Variants in ANKRD26 observed in about 807,000 individuals in gnomAD.
The protein encoded by ANKRD26 is ankyrin repeat domain 26.
A neutral mutation model predicts 208.7 loss-of-function variants in ANKRD26; 141 were observed. The observed-to-expected ratio is 0.68, with a 90% CI of 0.59 to 0.78. The LOEUF (loss-of-function observed/expected upper bound fraction) is 0.78, where lower values mean the gene tolerates loss of function less well. Ranked by LOEUF, ANKRD26 falls within the 30% of genes least tolerant of loss-of-function variation. The pLI is 0.00. For missense variants in ANKRD26, 1,889 were observed against 1,938.7 expected, an observed-to-expected ratio of 0.97 and a Z score of 0.48; for synonymous variants, 636 against 660.4, an observed-to-expected ratio of 0.96 and a Z score of 0.57.
rs1230763022 is a variant in ANKRD26, at chr10:27,100,279, G to T, written c.48C>A (p.Phe16Leu). Residue 16 changes from phenylalanine to leucine, a missense_variant, in exon 1 of 34, where the codon TTC (phenylalanine) becomes TTA (leucine). Transcript: ENST00000376087. ...CCGCGCTGCTCCTCTGCCGCCGCGC[G>T]AAGGAGCCCAAGGGCGACTCGCCCT... ...SKKGESPLGSFARRQRSSAGG... is the reference protein window; with the variant it reads ...SKKGESPLGSLARRQRSSAGG... 2 of 1,610,088 alleles carry T rather than the reference G, an allele frequency of 1.2e-6. No homozygotes were observed. Among genetic ancestry groups the T allele is most frequent in the Non-Finnish European group, 1.7e-6 (2 of 1,179,258 alleles).
chr10:27,043,700 GATTT>G (rs754105836), intron 19 of ANKRD26, 133 bp from the exon 20 acceptor site: 4 of 876,646 alleles, frequency 4.6e-6, no homozygotes, highest in East Asian at 2.7e-5. Context: ...TTGTTAAAAG[GATTT>G]ATTTATCAAC....
chr10:27,030,521 G>T, intron 25 of ANKRD26: 1 of 985,416 alleles, frequency 1.0e-6, no homozygotes, highest in Non-Finnish European at 1.2e-6. Context: ...TTAAGGCTAA[G>T]GTTATGTCGT....
the ANKRD26 span, among the ~76,000 whole-genome samples, chr10:26,964,301 G>C: frequency 6.6e-6 from 1 of 152,234 alleles, no homozygotes; most frequent in African/African-American, 2.4e-5. Context: ...TAGCTGATCA[G>C]AGAACCACTC....
At chr10:27,098,164 C>G (rs2056528165) in intron 1 of ANKRD26, among the ~76,000 whole-genome samples, 1 of 151,594 alleles carries the variant, frequency 6.6e-6, no homozygotes, top group South Asian at 2.1e-4. Flanking sequence ...GTGGCAAGAA[C>G]AAAGATCTGC....
Position 27,100,348 on chromosome 10 carries a change from G to T in ANKRD26, c.-22C>A. ...TCATGGCCCAGGCGACCGGGCTTCA[G>T]AGACACCTCATGTCTCTCTCGGCTC... On this transcript the variant is annotated 5_prime_UTR_variant, in exon 1 of 34. In the 5' UTR this introduces an upstream ATG that the reference lacks. Transcript: ENST00000376087. 1 of 1,604,492 alleles carries T rather than the reference G, an allele frequency of 6.2e-7. No homozygotes were observed. The highest frequency in any genetic ancestry group is 8.5e-7 in the Non-Finnish European group (1 of 1,179,768).
chr10:27,079,654 G>A (rs2055830788), intron 6 of ANKRD26, among the ~76,000 whole-genome samples: 1 of 152,136 alleles, frequency 6.6e-6, no homozygotes, highest in Non-Finnish European at 1.5e-5. Context: ...AGGAGTTCGA[G>A]ATCAGCCTGG....
chr10:27,024,824 T>C (rs2053606874), intron 27 of ANKRD26, among the ~76,000 whole-genome samples: 1 of 152,194 alleles, frequency 6.6e-6, no homozygotes. Context: ...AAATTCCTTT[T>C]TAAAAAGTTA....
At chr10:27,082,746 C>G (rs986091633) in intron 6 of ANKRD26, 57 bp downstream of exon 6, 9 of 1,531,412 alleles carry the variant, frequency 5.9e-6, no homozygotes, top group Non-Finnish European at 7.9e-6. Flanking sequence ...GGGCACTCAA[C>G]AGTTTCTTTT....
chr10:26,967,330 C>A, the ANKRD26 span, among the ~76,000 whole-genome samples: 1 of 152,188 alleles, frequency 6.6e-6, no homozygotes, highest in African/African-American at 2.4e-5. Context: ...CATTTAAGGT[C>A]ATTTAATTTT....
intron 9 of ANKRD26, among the ~76,000 whole-genome samples, chr10:27,069,515 C>T (rs865915014): frequency 5.6e-4 from 85 of 152,048 alleles, no homozygotes; most frequent in African/African-American, 2.0e-3. Flanking sequence ...CACTGTGTTG[C>T]CCAGGCTGGT....
At chr10:27,056,621 T>C (rs2054849026) in intron 15 of ANKRD26, among the ~76,000 whole-genome samples, 1 of 151,736 alleles carries the variant, frequency 6.6e-6, no homozygotes, top group Non-Finnish European at 1.5e-5. Context: ...CTACTAAAAA[T>C]ACAAAATTAG....
chr10:26,983,080 C>T (rs1483467578), intron 3 of ANKRD26, among the ~76,000 whole-genome samples: 1 of 152,170 alleles, frequency 6.6e-6, no homozygotes, highest in African/African-American at 2.4e-5. Context: ...ATATCTAACG[C>T]CATACAATTT....
intron 5 of ANKRD26, among the ~76,000 whole-genome samples, chr10:26,978,335 AGTGCCAGCTAC>A (rs1269741108): frequency 3.9e-5 from 6 of 152,100 alleles, no homozygotes; most frequent in Non-Finnish European, 7.4e-5. Flanking sequence ...ACGTGCCTGT[AGTGCCAGCTAC>A]TGGGGAGGCT....
chr10:27,070,770 A>G (rs1476007642), intron 9 of ANKRD26, among the ~76,000 whole-genome samples: 3 of 150,658 alleles, frequency 2.0e-5, no homozygotes, highest in Admixed American at 1.3e-4. Context: ...GGTTCAAGCA[A>G]TTCTCTTGAC....
At chr10:27,060,255 A>T in intron 15 of ANKRD26, 90 bp downstream of exon 15, 2 of 1,248,146 alleles carry the variant, frequency 1.6e-6, no homozygotes, top group South Asian at 2.6e-5. Flanking sequence ...GAAAAAAAGA[A>T]TTAGGAATAA....
intron 25 of ANKRD26, among the ~76,000 whole-genome samples, chr10:27,031,548 C>A (rs908961380): frequency 2.8e-4 from 42 of 152,054 alleles, no homozygotes; most frequent in African/African-American, 1.0e-3. Context: ...GGGACATGGA[C>A]AGGGATGGTG....
intron 19 of ANKRD26, among the ~76,000 whole-genome samples, chr10:27,043,863 C>T (rs991526188): frequency 1.3e-5 from 2 of 151,842 alleles, no homozygotes; most frequent in Non-Finnish European, 2.9e-5. Context: ...GTGACCATAG[C>T]TCTCTGAAGC....
downstream of ANKRD26, among the ~76,000 whole-genome samples, chr10:26,990,317 T>TA (rs1253062098): frequency 6.6e-6 from 1 of 152,174 alleles, no homozygotes; most frequent in African/African-American, 2.4e-5. Context: ...TTGGCGAACT[T>TA]AGAGGCCTCA....
intron 9 of ANKRD26, among the ~76,000 whole-genome samples, chr10:27,068,897 T>G (rs2055368907): frequency 6.7e-6 from 1 of 150,020 alleles, no homozygotes; most frequent in Admixed American, 6.6e-5. Context: ...TAATAAGATA[T>G]GAGAAACGAG....
Sources: allele counts gnomAD v4.1 joint callset (sites outside exome capture counted in the v4.1 genomes callset), GRCh38; gene constraint gnomAD v4.1.1; transcripts MANE v1.5; gene names NCBI Gene and HGNC (gene_info 2026-07-23, HGNC 2026-07-21).